Variants in MAP3K2 observed in about 807,000 individuals in gnomAD.
The protein encoded by MAP3K2 is mitogen-activated protein kinase kinase kinase 2.
Under a neutral mutation model 80.3 loss-of-function variants are expected in MAP3K2, and 24 were observed. The observed-to-expected ratio is 0.30, with a 90% CI of 0.22 to 0.42. The LOEUF (loss-of-function observed/expected upper bound fraction) is 0.42, where lower values mean the gene tolerates loss of function less well. Among genes scored for constraint, MAP3K2 ranks in the 10% least tolerant of loss-of-function variants. The pLI, the probability that MAP3K2 is intolerant of heterozygous loss-of-function variation, is 1.00. For synonymous variants in MAP3K2, 244 were observed against 253.7 expected (o/e 0.96, Z 0.36); for missense variants, 608 against 750.1 (o/e 0.81, Z 2.21).
chr2:127,362,681 A>G (rs1686911869), intron 1 of MAP3K2, among the ~76,000 whole-genome samples: 1 of 152,126 alleles, frequency 6.6e-6, no homozygotes, highest in African/African-American at 2.4e-5. Flanking sequence ...ACATCACTCA[A>G]CTGTTTATGG....
At chr2:127,374,938 A>G (rs964992680) in intron 1 of MAP3K2, among the ~76,000 whole-genome samples, 1 of 152,234 alleles carries the variant, frequency 6.6e-6, no homozygotes, top group Non-Finnish European at 1.5e-5. Flanking sequence ...AAGGGGGAAT[A>G]TGAATAAGGA....
At chr2:127,329,721 A>G (rs979216026) in intron 7 of MAP3K2, among the ~76,000 whole-genome samples, 200 bp downstream of exon 7, 13 of 152,208 alleles carry the variant, frequency 8.5e-5, no homozygotes, top group African/African-American at 2.7e-4. Flanking sequence ...TAAATAAAGA[A>G]TTTAAATTGG....
chr2:127,326,928 T>C, intron 7 of MAP3K2, 111 bp from the exon 8 acceptor site: 1 of 659,548 alleles, frequency 1.5e-6, no homozygotes, highest in Non-Finnish European at 2.4e-6. Context: ...CAAAAGAAAA[T>C]TCAATTTTTA....
intron 1 of MAP3K2, among the ~76,000 whole-genome samples, chr2:127,378,811 G>A (rs527462980): frequency 4.6e-5 from 7 of 152,182 alleles, no homozygotes; most frequent in South Asian, 4.1e-4. Context: ...CTGTTACCCA[G>A]ACCGGAAAGC....
At chr2:127,358,593 C>G (rs545122855) in intron 1 of MAP3K2, among the ~76,000 whole-genome samples, 1 of 152,160 alleles carries the variant, frequency 6.6e-6, no homozygotes, top group Non-Finnish European at 1.5e-5. Flanking sequence ...TATCAAGTCA[C>G]AGAAAAGTCA....
Position 127,314,963 on chromosome 2 carries a change from G to A in MAP3K2, c.1327-80C>T, listed in dbSNP as rs1685873619. 4 of 1,016,872 alleles carry A rather than the reference G, an allele frequency of 3.9e-6. 1 individual carries two copies. Among genetic ancestry groups the A allele is most frequent in the South Asian group, 3.0e-5 (2 of 66,368 alleles). 63.0% of individuals were successfully genotyped at this position (1,016,872 alleles called of 1,614,324 possible). A position where few individuals can be genotyped will look rare whatever the true frequency, so the allele number is the denominator to read the frequency against. On this transcript the variant is annotated intron_variant, in intron 14 of 16. Transcript: ENST00000682094. Reference sequence around the variant, plus strand: ...CTGCTATTAAATCTTTATCAGTAAAGAGGGCAGGAATTCTCATCTCACTCG... The same window carrying A: ...CTGCTATTAAATCTTTATCAGTAAAAAGGGCAGGAATTCTCATCTCACTCG...
Position 127,315,581 on chromosome 2 carries a change from C to T in MAP3K2, c.1327-698G>A, listed in dbSNP as rs866235040. Among the ~76,000 whole-genome samples the T allele has an allele frequency of 1.6e-4, 24 of 152,338 alleles. No homozygotes were observed. The Middle Eastern group carries it at 0.017, about 108-fold the overall frequency. On this transcript the variant is annotated intron_variant, in intron 14 of 16. Coordinates refer to ENST00000682094, the MANE Select transcript of MAP3K2 (RefSeq NM_001371910.2). ...AGCGGCAAGTGTGGCCAGTCAACTA[C>T]TCACACCTACAGTTCAGCACGGCTT...
chr2:127,332,092 AT>A (rs1486558270), intron 5 of MAP3K2, among the ~76,000 whole-genome samples: 4 of 152,128 alleles, frequency 2.6e-5, no homozygotes, highest in Non-Finnish European at 4.4e-5. Flanking sequence ...CTCTATGAGA[AT>A]TTTTTTCTAA....
At chr2:127,317,925 T>C (rs1363442497) in intron 13 of MAP3K2, among the ~76,000 whole-genome samples, 165 bp from the exon 14 acceptor site, 1 of 152,124 alleles carries the variant, frequency 6.6e-6, no homozygotes, top group Admixed American at 6.5e-5. Context: ...CTTGATGATA[T>C]GCTAAAGCAA....
At position 127,322,264 on chromosome 2, in the gene MAP3K2, A is replaced by G. The variant is rs1218507929; in HGVS notation, c.839-12T>C. The G allele has an allele frequency of 4.5e-6, 7 of 1,545,206 alleles. No individual in the cohort carries two copies. In the Admixed American group the frequency reaches 6.7e-5, roughly 15 times the overall value. ...AAAAGTTTTACGACCTAAAAAATGAAAAGAGAATGACCTTATACCTTTTAT... is the reference window on the plus strand; with the variant it reads ...AAAAGTTTTACGACCTAAAAAATGAGAAGAGAATGACCTTATACCTTTTAT... On this transcript the variant is annotated splice_polypyrimidine_tract_variant and intron_variant, in intron 11 of 16. Coordinates refer to ENST00000682094, the MANE Select transcript of MAP3K2 (RefSeq NM_001371910.2). This position sits in a 1 kb window ranked among gnomAD's most constrained non-coding sequence, Gnocchi z 4.2.
Position 127,387,583 on chromosome 2 carries a change from C to T in MAP3K2, c.-197G>A, listed in dbSNP as rs991596144. The T allele has an allele frequency of 3.0e-6, 3 of 984,952 alleles. No homozygotes were observed. The highest frequency in any genetic ancestry group is 4.7e-5 in the South Asian group (1 of 21,294). 61.0% of individuals were successfully genotyped at this position (984,952 alleles called of 1,614,324 possible). The stretch of plus-strand genomic sequence containing the variant: ...GGGCTGCCGCAGGGCCCCCGGGGAC[C>T]GGAGGGGCGCGCGAGGAGTCGGGCG... On this transcript the variant is annotated 5_prime_UTR_variant, in exon 1 of 17. Coordinates refer to ENST00000682094, the MANE Select transcript of MAP3K2 (RefSeq NM_001371910.2).
chr2:127,381,016 T>C (rs1034590067), intron 1 of MAP3K2, among the ~76,000 whole-genome samples: 6 of 152,210 alleles, frequency 3.9e-5, no homozygotes, highest in African/African-American at 1.4e-4. Flanking sequence ...TGCAGTAAAG[T>C]TTAAAAATTT....
intron 1 of MAP3K2, among the ~76,000 whole-genome samples, chr2:127,359,927 A>G (rs555005816): frequency 6.6e-6 from 1 of 152,310 alleles, no homozygotes; most frequent in African/African-American, 2.4e-5. Flanking sequence ...TTTTCTTTAT[A>G]AATTATCTAG....
At chr2:127,374,089 C>T (rs1687111171) in intron 1 of MAP3K2, among the ~76,000 whole-genome samples, 2 of 152,206 alleles carry the variant, frequency 1.3e-5, no homozygotes, top group African/African-American at 4.8e-5. Flanking sequence ...TGGTGGAGAT[C>T]ACATAATTCC....
rs1041790641 is a variant in MAP3K2 at position 127,304,630 on chromosome 2, A to G, written c.*2949T>C. The G allele has an allele frequency of 2.0e-5, 3 of 152,426 alleles. No homozygotes were observed. Among genetic ancestry groups the G allele is most frequent in the Non-Finnish European group, 4.4e-5 (3 of 67,954 alleles). 9.4% of individuals were successfully genotyped at this position (152,426 alleles called of 1,614,324 possible). On this transcript the variant is annotated 3_prime_UTR_variant, in exon 17 of 17. Coordinates refer to ENST00000682094, the MANE Select transcript of MAP3K2 (RefSeq NM_001371910.2). ...ATCAATTGTGCATTTAAGAAACAAA[A>G]CACATTTAGAGTTATCTTAAAAAGT...
intron 1 of MAP3K2, among the ~76,000 whole-genome samples, chr2:127,352,325 G>A (rs1432122483): frequency 2.0e-5 from 3 of 152,260 alleles, no homozygotes; most frequent in South Asian, 2.1e-4. Context: ...AATACCGGTA[G>A]GCTAAAAACA....
chr2:127,357,925 C>G (rs551265261), intron 1 of MAP3K2, among the ~76,000 whole-genome samples: 1 of 151,954 alleles, frequency 6.6e-6, no homozygotes, highest in African/African-American at 2.4e-5. Context: ...TTAATGGTGT[C>G]TTTTGAAGAG....
chr2:127,380,240 A>G (rs1687223396), intron 1 of MAP3K2, among the ~76,000 whole-genome samples: 1 of 152,218 alleles, frequency 6.6e-6, no homozygotes, highest in African/African-American at 2.4e-5. Context: ...ACGACACATC[A>G]ATGATTATAG....
Position 127,383,244 on chromosome 2 carries a change from C to T in MAP3K2, c.-66+4208G>A, listed in dbSNP as rs1687280214. Among the ~76,000 whole-genome samples the T allele has an allele frequency of 2.0e-5, 3 of 152,180 alleles. No individual in the cohort carries two copies. In the South Asian group the frequency reaches 6.2e-4, roughly 32 times the overall value. ...CTGGGGATTGCATTTCAACATGAGA[C>T]TTGGAGGAGACAAATAAACAACCCA... On this transcript the variant is annotated intron_variant, in intron 1 of 16. Coordinates refer to ENST00000682094, the MANE Select transcript of MAP3K2 (RefSeq NM_001371910.2).
Sources: allele counts gnomAD v4.1 joint callset (sites outside exome capture counted in the v4.1 genomes callset), GRCh38; gene constraint gnomAD v4.1.1; non-coding constraint Gnocchi (gnomAD v3.1); transcripts MANE v1.5; gene names NCBI Gene and HGNC (gene_info 2026-07-23, HGNC 2026-07-21).